The following PACC1 variants were observed in gnomAD, a reference collection of about 807,000 sequenced individuals.
PACC1 encodes proton activated chloride channel 1, also known as proton-activated chloride channel.
A neutral mutation model predicts 39.7 loss-of-function variants in PACC1; 34 were observed. That is an observed-to-expected ratio of 0.86 (90% CI 0.65 to 1.14). The LOEUF (loss-of-function observed/expected upper bound fraction) is 1.14, where lower values mean the gene tolerates loss of function less well. Among genes scored for constraint, PACC1 ranks in the 50% most tolerant of loss-of-function variants. The pLI is 0.00. For synonymous variants in PACC1, 127 were observed against 160.6 expected, an observed-to-expected ratio of 0.79 and a Z score of 1.58; for missense variants, 379 against 436.4, an observed-to-expected ratio of 0.87 and a Z score of 1.17.
intron 7 of PACC1, among the ~76,000 whole-genome samples, chr1:212,365,819 G>C (rs1421469970): frequency 6.6e-6 from 1 of 152,180 alleles, no homozygotes; most frequent in African/African-American, 2.4e-5. Flanking sequence ...GCACAAATAA[G>C]ATAGGCAATA....
intron 7 of PACC1, among the ~76,000 whole-genome samples, chr1:212,374,027 GA>G (rs1355417893): frequency 3.6e-5 from 4 of 111,094 alleles, no homozygotes; most frequent in Non-Finnish European, 7.8e-5. Flanking sequence ...ATATCCAAAA[GA>G]AAGGAAATCA....
At chr1:212,412,274 G>A (rs1217112424) in intron 1 of PACC1, among the ~76,000 whole-genome samples, 4 of 152,126 alleles carry the variant, frequency 2.6e-5, no homozygotes, top group Non-Finnish European at 5.9e-5. Context: ...AGAGGAGGAT[G>A]TTAGTCCTGG....
At position 212,365,278 on chromosome 1, in the gene PACC1, C is replaced by G; in HGVS notation, c.990G>C (p.Trp330Cys). ...GGTATCTCTTTCTAATTTTGATCAT[C>G]CATTTTATACTCAGTTTGGCAAACT... is the stretch of plus-strand genomic sequence containing the variant. ...AAEFAKLSIK[W>C]MIKIRKRYLK... The change falls in exon 8 of 8, where the codon TGG (tryptophan) becomes TGC (cysteine). Residue 330 changes from tryptophan (W) to cysteine (C), a missense_variant. By Grantham distance (215) the Trp-to-Cys change is radical. Transcript: ENST00000261455. 6.2e-7 allele frequency: 1 copy of G among 1,613,594 alleles called. No individual in the cohort carries two copies. The highest frequency in any genetic ancestry group is 8.5e-7 in the Non-Finnish European group (1 of 1,179,816).
chr1:212,371,950 T>TA (rs1291075064), intron 7 of PACC1, among the ~76,000 whole-genome samples: 2 of 152,014 alleles, frequency 1.3e-5, no homozygotes, highest in Non-Finnish European at 2.9e-5. Flanking sequence ...CAATAGATGG[T>TA]AAAAAAGCAT....
chr1:212,385,539 G>T, intron 3 of PACC1, 114 bp from the exon 4 acceptor site: 1 of 1,152,618 alleles, frequency 8.7e-7, no homozygotes, highest in Non-Finnish European at 1.3e-6. Flanking sequence ...AGGACTGCAG[G>T]GAAGGGAGAA....
chr1:212,377,675 C>T lies in PACC1; in HGVS notation c.670G>A (p.Glu224Lys). 1 of 1,614,208 alleles carries T rather than the reference C, an allele frequency of 6.2e-7. No homozygotes were observed. The highest frequency in any genetic ancestry group is 8.5e-7 in the Non-Finnish European group (1 of 1,180,038). The change falls in exon 6 of 8, where the codon GAG (glutamate) becomes AAG (lysine). Residue 224 changes from glutamate (E) to lysine (K), a missense_variant. Coordinates refer to ENST00000261455, the MANE Select transcript of PACC1 (RefSeq NM_018252.3). ...AACTTCCAGCTGGAATAGGCACTCT[C>T]ACAGGCCTGCATGAAGCCTACCCTG... ...PNRVGFMQAC[E>K]SAYSSWKFSG... is the part of the protein sequence containing the mutation.
At chr1:212,375,529 A>G (rs1660614784) in intron 6 of PACC1, among the ~76,000 whole-genome samples, 1 of 152,180 alleles carries the variant, frequency 6.6e-6, no homozygotes, top group Non-Finnish European at 1.5e-5. Flanking sequence ...GGGATCTGTG[A>G]TTTACAATAG....
Position 212,365,196 on chromosome 1 carries a change from T to C in PACC1, c.*19A>G. ...GCTCCCATTGATGTGGACAGTTCTC[T>C]AAACAACGCGAGGTGACTTCAGCTT... On this transcript the variant is annotated 3_prime_UTR_variant, in exon 8 of 8. Transcript: ENST00000261455. The C allele has an allele frequency of 1.9e-6, 3 of 1,610,678 alleles. No individual in the cohort carries two copies. Among genetic ancestry groups the C allele is most frequent in the Admixed American group, 3.4e-5 (2 of 59,542 alleles).
At chr1:212,414,006 G>GGA in intron 1 of PACC1, 1 of 1,535,874 alleles carries the variant, frequency 6.5e-7, no homozygotes. Context: ...AGGCGGAGGA[G>GGA]GAGAGCAGTT....
chr1:212,404,146 G>A (rs547127012), intron 2 of PACC1, among the ~76,000 whole-genome samples: 14 of 150,798 alleles, frequency 9.3e-5, no homozygotes, highest in South Asian at 4.2e-4. Flanking sequence ...TCGCTCTGTC[G>A]CCCAGGCTGG....
intron 7 of PACC1, among the ~76,000 whole-genome samples, chr1:212,368,607 G>T (rs867409785): frequency 3.9e-4 from 17 of 43,378 alleles, no homozygotes; most frequent in Middle Eastern, 8.2e-3. Flanking sequence ...GCATCAGAGT[G>T]CCTCACAGAA....
intron 4 of PACC1, among the ~76,000 whole-genome samples, chr1:212,380,859 C>T (rs1660852653): frequency 6.6e-6 from 1 of 152,176 alleles, no homozygotes; most frequent in Non-Finnish European, 1.5e-5. Flanking sequence ...TCTAAGTATG[C>T]TTTAAGACTA....
intron 7 of PACC1, among the ~76,000 whole-genome samples, chr1:212,374,415 G>A (rs1189945298): frequency 6.6e-6 from 1 of 152,170 alleles, no homozygotes; most frequent in African/African-American, 2.4e-5. Flanking sequence ...AGGCTGGGAA[G>A]GGTTGGGGGA....
At chr1:212,377,290 G>A (rs1478517057) in intron 6 of PACC1, among the ~76,000 whole-genome samples, 9 of 152,172 alleles carry the variant, frequency 5.9e-5, no homozygotes, top group African/African-American at 4.8e-5. Context: ...ACAGCTGGGC[G>A]AGTTACTGAC....
intron 2 of PACC1, among the ~76,000 whole-genome samples, chr1:212,393,892 A>T (rs1480104954): frequency 6.6e-6 from 1 of 152,134 alleles, no homozygotes; most frequent in Non-Finnish European, 1.5e-5. Context: ...ACCAGGAAGA[A>T]GTTGAATCTC....
chr1:212,367,505 G>A (rs1475286516), intron 7 of PACC1, among the ~76,000 whole-genome samples: 1 of 152,216 alleles, frequency 6.6e-6, no homozygotes, highest in Non-Finnish European at 1.5e-5. Context: ...TACCACCCCA[G>A]TGGGAGGAAA....
At chr1:212,403,787 AC>A (rs1357918922) in intron 2 of PACC1, among the ~76,000 whole-genome samples, 2 of 149,208 alleles carry the variant, frequency 1.3e-5, no homozygotes, top group African/African-American at 5.0e-5. Context: ...CTGGTCTTGA[AC>A]TCCTGGCCTC....
intron 2 of PACC1, among the ~76,000 whole-genome samples, chr1:212,405,122 C>T (rs1661860591): frequency 6.6e-6 from 1 of 152,164 alleles, no homozygotes; most frequent in African/African-American, 2.4e-5. Flanking sequence ...CCTGACTCTA[C>T]CATTTCTTTG....
intron 5 of PACC1, among the ~76,000 whole-genome samples, chr1:212,378,792 A>G (rs886624982): frequency 3.9e-5 from 6 of 151,972 alleles, no homozygotes; most frequent in African/African-American, 1.2e-4. Context: ...GGCTGGGTCC[A>G]CTCACGTGCG....
Sources: gnomAD v4.1 joint callset for allele counts (sites outside exome capture counted in the v4.1 genomes callset) on GRCh38, gnomAD v4.1.1 for gene constraint, MANE v1.5 for transcripts, NCBI Gene and HGNC (gene_info 2026-07-23, HGNC 2026-07-21) for gene names.